PITPNM3: variants seen among roughly 807,000 people sequenced by gnomAD.
PITPNM3 encodes PITPNM family member 3.
In PITPNM3, 26 loss-of-function variants were observed where a neutral mutation model predicts 102.0. The ratio of observed to expected loss-of-function variants is 0.25; its 90% CI spans 0.19 to 0.35. The LOEUF (loss-of-function observed/expected upper bound fraction) is 0.35, where lower values mean the gene tolerates loss of function less well. Ranked by LOEUF, PITPNM3 falls within the 10% of genes least tolerant of loss-of-function variation. The probability of loss-of-function intolerance (pLI) is 1.00; values close to 1 mark genes in which losing one functional copy is unlikely to be tolerated. For missense variants in PITPNM3, 1,083 were observed against 1,346.1 expected, an observed-to-expected ratio of 0.80 and a Z score of 3.06; for synonymous variants, 578 against 558.6, an observed-to-expected ratio of 1.03 and a Z score of -0.49.
intron 9 of PITPNM3, among the ~76,000 whole-genome samples, chr17:6,476,535 C>T (rs965954919): frequency 1.3e-5 from 2 of 152,186 alleles, no homozygotes; most frequent in Non-Finnish European, 2.9e-5. Context: ...GATACATGAA[C>T]TTGGGATAGG....
At chr17:6,474,946 G>A (rs1241172818) in intron 9 of PITPNM3, among the ~76,000 whole-genome samples, 1 of 152,208 alleles carries the variant, frequency 6.6e-6, no homozygotes, top group Non-Finnish European at 1.5e-5. Context: ...ATGCATGGCT[G>A]GGATCCAATC....
chr17:6,491,077 AAGGGGAGGGGAAGGGAAGGGAGGGG>A (rs1906443423), intron 4 of PITPNM3, among the ~76,000 whole-genome samples: 1 of 38,192 alleles, frequency 2.6e-5, no homozygotes, highest in Non-Finnish European at 4.4e-5. Context: ...GAGGGGAGGA[AAGGGGAGGGGAAGGGAAGGGAGGGG>A]AGGGGAGGGG....
intron 2 of PITPNM3, among the ~76,000 whole-genome samples, chr17:6,534,440 G>C (rs1235585038): frequency 6.6e-6 from 1 of 152,212 alleles, no homozygotes; most frequent in Admixed American, 6.5e-5. Flanking sequence ...AGCTCCAAGG[G>C]CCTCTCCAGG....
At chr17:6,513,382 G>A (rs1448415832) in intron 3 of PITPNM3, among the ~76,000 whole-genome samples, 1 of 152,146 alleles carries the variant, frequency 6.6e-6, no homozygotes, top group Non-Finnish European at 1.5e-5. Flanking sequence ...CAAAGACGAT[G>A]TAATCCTATG....
Position 6,504,124 on chromosome 17 carries a change from GC to G in PITPNM3, c.227-551del, listed in dbSNP as rs1042595652. On this transcript the variant is annotated intron_variant, in intron 3 of 19. Transcript: ENST00000262483. ...AAATGTGTCTGTGGCTTCCTCTAGG[GC>G]CCCAGGTCTCTGAGGAAGGTTTCCA... Among the ~76,000 whole-genome samples, 23 of 152,302 alleles carry G rather than the reference GC, an allele frequency of 1.5e-4. No homozygotes were observed. The East Asian group carries it at 3.9e-3, about 26-fold the overall frequency.
At chr17:6,522,286 G>GCACA (rs35785551) in intron 3 of PITPNM3, among the ~76,000 whole-genome samples, 33 of 149,316 alleles carry the variant, frequency 2.2e-4, no homozygotes, top group Middle Eastern at 6.8e-3. Flanking sequence ...TTTAGTGTGC[G>GCACA]CACACACACA....
At chr17:6,544,426 G>A (rs1340855502) in intron 1 of PITPNM3, among the ~76,000 whole-genome samples, 1 of 152,190 alleles carries the variant, frequency 6.6e-6, no homozygotes, top group Non-Finnish European at 1.5e-5. Flanking sequence ...CAGGTACTCA[G>A]GAGGCTGAGG....
At chr17:6,489,142 C>T (rs575014859) in intron 4 of PITPNM3, among the ~76,000 whole-genome samples, 45 of 152,282 alleles carry the variant, frequency 3.0e-4, no homozygotes, top group Non-Finnish European at 3.4e-4. Flanking sequence ...GCTCTTGAGA[C>T]GAAAGCCAAG....
chr17:6,525,334 C>G, intron 3 of PITPNM3, 22 bp downstream of exon 3: 4 of 1,606,600 alleles, frequency 2.5e-6, no homozygotes, highest in South Asian at 1.1e-5. Flanking sequence ...ACATCCTGGT[C>G]ATGAGAGAAG....
At chr17:6,542,093 T>C (rs1198102116) in intron 1 of PITPNM3, among the ~76,000 whole-genome samples, 1 of 152,178 alleles carries the variant, frequency 6.6e-6, no homozygotes, top group Admixed American at 6.5e-5. Flanking sequence ...CTCTTGGAAA[T>C]AGCAACCCTT....
chr17:6,457,445 G>A lies in PITPNM3; in HGVS notation c.2619+149C>T, dbSNP rs1436372484. 3.0e-6 allele frequency: 4 copies of A among 1,334,852 alleles called. No individual in the cohort carries two copies. The highest frequency in any genetic ancestry group is 2.0e-5 in the Admixed American group (1 of 48,858). The allele number at this position is 1,334,852 out of a possible 1,614,324, so 82.7% of individuals were successfully genotyped here. ...CACCCAACACAGGCCCTGGCCCAAG[G>A]CAGGCACCCCGAAGTGTTTGTTGAA... On this transcript the variant is annotated intron_variant, in intron 19 of 19. Transcript: ENST00000262483. This position sits in a 1 kb window ranked among gnomAD's most constrained non-coding sequence, Gnocchi z 4.7.
In PITPNM3 at chr17:6,522,286, G is replaced by GCGCGCACA. The variant is rs145090085; in HGVS notation, c.226+3069_226+3070insTGTGCGCG. ...GACCCATGAGGTATATTTAGTGTGC[G>GCGCGCACA]CACACACACACACACACACACACAC... is the stretch of plus-strand genomic sequence containing the variant. On this transcript the variant is annotated intron_variant, in intron 3 of 19. Coordinates refer to ENST00000262483, the MANE Select transcript of PITPNM3 (RefSeq NM_031220.4). Among the ~76,000 whole-genome samples the GCGCGCACA allele has an allele frequency of 1.7e-3, 248 of 149,314 alleles. 1 individual carries two copies. The highest frequency in any genetic ancestry group is 5.0e-3 in the African/African-American group (204 of 40,582).
intron 4 of PITPNM3, among the ~76,000 whole-genome samples, chr17:6,491,816 A>AATATATATATAT (rs71381397): frequency 8.1e-5 from 5 of 62,074 alleles, no homozygotes; most frequent in African/African-American, 3.2e-4. Flanking sequence ...GGGACAATGG[A>AATATATATATAT]ATATATATAT....
At chr17:6,503,368 G>A (rs1047774827) in intron 4 of PITPNM3, among the ~76,000 whole-genome samples, 159 bp downstream of exon 4, 4 of 152,138 alleles carry the variant, frequency 2.6e-5, no homozygotes, top group Non-Finnish European at 4.4e-5. Flanking sequence ...CCCAAACTCA[G>A]GCTGAGTGAC....
rs9907189 is a variant in PITPNM3, at chr17:6,469,235, C to A, written c.1774-894G>T. 6.6e-6 allele frequency among the ~76,000 whole-genome samples: 1 copy of A among 151,924 alleles called. No homozygotes were observed. The highest frequency in any genetic ancestry group is 6.6e-5 in the Admixed American group (1 of 15,266). ...ACATTTTTATCTGGAATCCTGATGT[C>A]TTCTCTAAGTTCCAGACTCCTCTAC... On this transcript the variant is annotated intron_variant, in intron 13 of 19. Coordinates refer to ENST00000262483, the MANE Select transcript of PITPNM3 (RefSeq NM_031220.4). This position sits in a 1 kb window ranked among gnomAD's most constrained non-coding sequence, Gnocchi z 4.0.
rs1203443872 is a variant in PITPNM3, at chr17:6,535,693, C to G, written c.118+2294G>C. On this transcript the variant is annotated intron_variant, in intron 2 of 19. Transcript: ENST00000262483. ...CAGCACTTTGGGAGGCCAAGGCAGG[C>G]AGATCACTTGAGGTAAGGAGTTCAA... 3.5e-4 allele frequency among the ~76,000 whole-genome samples: 53 copies of G among 151,882 alleles called. 2 individuals are homozygous for G. The East Asian group carries it at 7.6e-3, about 22-fold the overall frequency.
chr17:6,504,827 G>A (rs917091417), intron 3 of PITPNM3, among the ~76,000 whole-genome samples: 31 of 152,222 alleles, frequency 2.0e-4, no homozygotes, highest in African/African-American at 7.2e-4. Context: ...CTATAAAATG[G>A]GGATAGTACT....
chr17:6,549,904 G>A (rs1419936995), intron 1 of PITPNM3, among the ~76,000 whole-genome samples: 2 of 152,138 alleles, frequency 1.3e-5, no homozygotes, highest in East Asian at 1.9e-4. Context: ...CCACGTCCAC[G>A]TCCTCAGCTC....
chr17:6,458,865 C>T lies in PITPNM3; in HGVS notation c.2491-1143G>A, dbSNP rs556239538. Among the ~76,000 whole-genome samples, 3 of 152,216 alleles carry T rather than the reference C, an allele frequency of 2.0e-5. No individual in the cohort carries two copies. Among genetic ancestry groups the T allele is most frequent in the Admixed American group, 1.3e-4 (2 of 15,292 alleles). On this transcript the variant is annotated intron_variant, in intron 18 of 19. Transcript: ENST00000262483. The surrounding 1 kb of genome is among the most constrained non-coding windows in gnomAD (Gnocchi z 5.1). Reference sequence around the variant, plus strand: ...TTGTGTTTTTGTACATGCTGCCCACCGAGAGCTGCTAAAGAAACAGAGCCA... The same window carrying T: ...TTGTGTTTTTGTACATGCTGCCCACTGAGAGCTGCTAAAGAAACAGAGCCA...
Sources: allele counts gnomAD v4.1 joint callset (sites outside exome capture counted in the v4.1 genomes callset), GRCh38; gene constraint gnomAD v4.1.1; non-coding constraint Gnocchi (gnomAD v3.1); transcripts MANE v1.5; gene names NCBI Gene and HGNC (gene_info 2026-07-23, HGNC 2026-07-21).